Variants in NOL4 observed in about 807,000 individuals in gnomAD.
NOL4 encodes cancer/testis antigen 125.
NOL4 carries 17 observed loss-of-function variants against 75.9 expected under a neutral mutation model. The ratio of observed to expected loss-of-function variants is 0.22; its 90% CI spans 0.15 to 0.34. The LOEUF (loss-of-function observed/expected upper bound fraction) is 0.34, where lower values mean the gene tolerates loss of function less well. NOL4 is among the 10% of genes least tolerant of loss of function. The pLI is 1.00. For synonymous variants in NOL4, 292 were observed against 289.9 expected (o/e 1.01, Z -0.07); for missense variants, 614 against 793.5 (o/e 0.77, Z 2.72).
At chr18:34,100,683 C>T (rs2079006519) in intron 4 of NOL4, among the ~76,000 whole-genome samples, 1 of 152,078 alleles carries the variant, frequency 6.6e-6, no homozygotes, top group South Asian at 2.1e-4. Context: ...TTGGAATTTC[C>T]CAAATCAAAG....
intron 9 of NOL4, among the ~76,000 whole-genome samples, chr18:33,940,855 G>C (rs762264721): frequency 6.6e-6 from 1 of 151,924 alleles, no homozygotes; most frequent in Non-Finnish European, 1.5e-5. Context: ...TAGGGCCAAG[G>C]ACCACTGGTC....
intron 5 of NOL4, among the ~76,000 whole-genome samples, chr18:34,082,849 A>T (rs2078072918): frequency 6.6e-6 from 1 of 152,196 alleles, no homozygotes; most frequent in African/African-American, 2.4e-5. Context: ...CCATAACAAT[A>T]ATGACATGTT....
In NOL4 at chr18:34,105,117, C is replaced by A; in HGVS notation, c.458G>T (p.Arg153Leu). 6.2e-7 allele frequency: 1 copy of A among 1,612,238 alleles called. No individual in the cohort carries two copies. ...YAFLPREAVT[R>L]FLMSCSECQK... is the part of the protein sequence containing the mutation. Reference sequence around the variant, plus strand: ...GCACTCTGAGCAGCTCATTAGAAATCGTGTCACCGCTTCTCTTGGTAGGAA... The same window carrying A: ...GCACTCTGAGCAGCTCATTAGAAATAGTGTCACCGCTTCTCTTGGTAGGAA... The change falls in exon 3 of 11, where the codon CGA becomes CTA. Residue 153 changes from arginine (R) to leucine (L), a missense_variant. By Grantham distance (102) the Arg-to-Leu change is moderately radical (BLOSUM62 -2). Around this residue, in one of 9 missense-constraint regions of NOL4, gnomAD observed 135 missense variants for 220.4 expected, o/e 0.61. Transcript: ENST00000261592.
chr18:33,920,473 T>C (rs1242264441), intron 9 of NOL4, among the ~76,000 whole-genome samples: 1 of 152,206 alleles, frequency 6.6e-6, no homozygotes, highest in Non-Finnish European at 1.5e-5. Flanking sequence ...AAGCCATACA[T>C]GCATTCTTCA....
intron 5 of NOL4, among the ~76,000 whole-genome samples, chr18:34,073,961 G>C (rs1465439393): frequency 6.6e-6 from 1 of 151,848 alleles, no homozygotes; most frequent in African/African-American, 2.4e-5. Context: ...GAAAGAATGG[G>C]TGAATGCTAT....
chr18:34,082,276 A>G (rs1009430053), intron 5 of NOL4, among the ~76,000 whole-genome samples: 4 of 152,180 alleles, frequency 2.6e-5, no homozygotes, highest in African/African-American at 4.8e-5. Flanking sequence ...CAGAACCAGA[A>G]GGCTGTGTTC....
At chr18:33,863,732 G>T in intron 10 of NOL4, among the ~76,000 whole-genome samples, 1 of 152,216 alleles carries the variant, frequency 6.6e-6, no homozygotes, top group South Asian at 2.1e-4. Context: ...ACTATTCTGG[G>T]GTCTGGAGGA....
Position 34,062,766 on chromosome 18 carries a change from A to G in NOL4, c.772+30699T>C, listed in dbSNP as rs558114704. On this transcript the variant is annotated intron_variant, in intron 5 of 10. Coordinates refer to ENST00000261592, the MANE Select transcript of NOL4 (RefSeq NM_003787.5). ...GTCTATAGCTATTGTCATAGAAGAAAGCCACTTGGACTTTTATACTAGCAG... is the reference window on the plus strand; with the variant it reads ...GTCTATAGCTATTGTCATAGAAGAAGGCCACTTGGACTTTTATACTAGCAG... 2.6e-5 allele frequency among the ~76,000 whole-genome samples: 4 copies of G among 152,260 alleles called. No homozygotes were observed. The South Asian group carries it at 8.3e-4, about 32-fold the overall frequency.
At chr18:34,167,806 C>A (rs533570611) in intron 1 of NOL4, among the ~76,000 whole-genome samples, 1 of 152,112 alleles carries the variant, frequency 6.6e-6, no homozygotes, top group East Asian at 1.9e-4. Flanking sequence ...TAGGGAGAAG[C>A]AGTGAAGTCT....
In NOL4 at chr18:34,224,903, C is replaced by G. The variant is rs1306699458; in HGVS notation, c.-1650G>C. 1 of 152,852 alleles carries G rather than the reference C, an allele frequency of 6.5e-6. No homozygotes were observed. Among genetic ancestry groups the G allele is most frequent in the Non-Finnish European group, 1.5e-5 (1 of 68,462 alleles). The allele number at this position is 152,852 out of a possible 1,614,324, so 9.5% of individuals were successfully genotyped here. A position where few individuals can be genotyped will look rare whatever the true frequency, so the allele number is the denominator to read the frequency against. ...GACAGCCCGGGCGGAGCGCAGGCAG[C>G]TCCACACGCTAAACCTCTCGCCTCT... is the stretch of plus-strand genomic sequence containing the variant. On this transcript the variant is annotated 5_prime_UTR_variant, in exon 1 of 11. Coordinates refer to ENST00000261592, the MANE Select transcript of NOL4 (RefSeq NM_003787.5).
chr18:33,870,052 A>G (rs2063621528), intron 10 of NOL4, among the ~76,000 whole-genome samples: 1 of 152,086 alleles, frequency 6.6e-6, no homozygotes. Context: ...TATTTTTTAA[A>G]TGGCATAAAT....
intron 9 of NOL4, among the ~76,000 whole-genome samples, chr18:33,938,404 T>C (rs1363780721): frequency 2.0e-5 from 3 of 152,172 alleles, no homozygotes; most frequent in African/African-American, 7.2e-5. Flanking sequence ...ACCAACCGTG[T>C]AAAAGCATTG....
intron 1 of NOL4, 139 bp from the exon 2 acceptor site, chr18:34,130,159 G>T: frequency 1.4e-6 from 1 of 734,898 alleles, no homozygotes; most frequent in Non-Finnish European, 1.9e-6. Context: ...ATTCATGAAT[G>T]AATATTTCAA....
chr18:33,984,194 A>G (rs180946047), intron 6 of NOL4, among the ~76,000 whole-genome samples: 247 of 152,250 alleles, frequency 1.6e-3, no homozygotes, highest in African/African-American at 5.6e-3. Flanking sequence ...CGAAATCTCA[A>G]TACATTCATA....
intron 6 of NOL4, among the ~76,000 whole-genome samples, chr18:33,961,081 T>C (rs1283300297): frequency 6.6e-6 from 1 of 151,872 alleles, no homozygotes; most frequent in Non-Finnish European, 1.5e-5. Flanking sequence ...GAAGAACTAG[T>C]ATTAATATAT....
chr18:34,104,095 G>T lies in NOL4; in HGVS notation c.591C>A (p.Ala197=). 4 of 1,611,846 alleles carry T rather than the reference G, an allele frequency of 2.5e-6. No individual in the cohort carries two copies. Among genetic ancestry groups the T allele is most frequent in the Non-Finnish European group, 3.4e-6 (4 of 1,178,294 alleles). The stretch of plus-strand genomic sequence containing the variant: ...GCTGCAGCTTCATGTGTTTCATGTA[G>T]GCCATGGTAATTGGCATGTTGTAGT... The part of the protein sequence containing the change: ...MIDYNMPITM[A]YMKHMKLQLL... Residue 197 remains alanine, a synonymous_variant, in exon 4 of 11, where the codon GCC becomes GCA. Transcript: ENST00000261592.
rs2037464534 is a variant in NOL4 at position 34,223,599 on chromosome 18, C to A, written c.-346G>T. 2 of 260,812 alleles carry A rather than the reference C, an allele frequency of 7.7e-6. No homozygotes were observed. Among genetic ancestry groups the A allele is most frequent in the Admixed American group, 9.9e-5 (2 of 20,116 alleles). The allele number at this position is 260,812 out of a possible 1,614,324, so 16.2% of individuals were successfully genotyped here. ...AGCTGGGTTTTCAATAATTAAAATC[C>A]CATTCCTTGGTTTATTAAAAATCCC... On this transcript the variant is annotated 5_prime_UTR_variant, in exon 1 of 11. It introduces an in-frame stop codon into an upstream open reading frame of the 5' UTR. Coordinates refer to ENST00000261592, the MANE Select transcript of NOL4 (RefSeq NM_003787.5).
intron 10 of NOL4, among the ~76,000 whole-genome samples, chr18:33,856,984 T>C (rs1288652787): frequency 6.6e-6 from 1 of 152,064 alleles, no homozygotes; most frequent in East Asian, 1.9e-4. Context: ...ATATTTTAAG[T>C]GTTTCATCTT....
intron 1 of NOL4, among the ~76,000 whole-genome samples, chr18:34,180,864 T>C (rs1193374657): frequency 6.6e-6 from 1 of 151,388 alleles, no homozygotes; most frequent in African/African-American, 2.4e-5. Context: ...CAAAAATAAA[T>C]TTAACAAAAT....
Sources: gnomAD v4.1 joint callset for allele counts (sites outside exome capture counted in the v4.1 genomes callset) on GRCh38, gnomAD v4.1.1 for gene constraint, gnomAD v4.1.1 regional missense constraint, MANE v1.5 for transcripts, NCBI Gene and HGNC (gene_info 2026-07-23, HGNC 2026-07-21) for gene names.